The following EVC2 variants were observed in gnomAD, a reference collection of about 807,000 sequenced individuals.
EVC2 encodes the protein EvC ciliary complex subunit 2.
EVC2 carries 148 observed loss-of-function variants against 149.3 expected under a neutral mutation model. The ratio of observed to expected loss-of-function variants is 0.99; its 90% confidence interval spans 0.87 to 1.14. The LOEUF (loss-of-function observed/expected upper bound fraction) is 1.14. Ranked by LOEUF, EVC2 falls within the 50% of genes most tolerant of loss-of-function variation. The probability of loss-of-function intolerance (pLI) is 0.00; values close to 1 mark genes in which losing one functional copy is unlikely to be tolerated. For synonymous variants in EVC2, 776 were observed against 649.9 expected (o/e 1.19, Z -2.95); for missense variants, 1,854 against 1,627.3 (o/e 1.14, Z -2.40).
intron 21 of EVC2, among the ~76,000 whole-genome samples, chr4:5,554,354 G>T (rs1240029131): frequency 1.3e-5 from 2 of 152,164 alleles, no homozygotes; most frequent in African/African-American, 4.8e-5. Context: ...ATTGCTGAGG[G>T]CTGAAAGTAG....
At chr4:5,639,331 T>C (rs1427897536) in intron 10 of EVC2, among the ~76,000 whole-genome samples, 2 of 152,170 alleles carry the variant, frequency 1.3e-5, no homozygotes, top group African/African-American at 2.4e-5. Context: ...TTCTTTCACA[T>C]AGGAAAACAG....
intron 1 of EVC2, among the ~76,000 whole-genome samples, chr4:5,697,977 T>C (rs930642985): frequency 6.6e-6 from 1 of 151,946 alleles, no homozygotes; most frequent in Non-Finnish European, 1.5e-5. Flanking sequence ...GGTCTCCATC[T>C]CCTGACCTCG....
chr4:5,640,645 ACTC>A lies in EVC2; in HGVS notation c.1336_1338del (p.Glu446del). ...GTCAATGCCACCATCTTCCGATCGT[ACTC>A]CTCTTGTATTTCATTTTCCAGCAAT... On this transcript the variant is annotated inframe_deletion, in exon 10 of 22. Transcript: ENST00000344408. This position sits in a 1 kb window ranked among gnomAD's most constrained non-coding sequence, Gnocchi z 4.6. The A allele has an allele frequency of 6.2e-7, 1 of 1,613,566 alleles. No individual in the cohort carries two copies. Among genetic ancestry groups the A allele is most frequent in the Non-Finnish European group, 8.5e-7 (1 of 1,179,920 alleles).
chr4:5,629,234 G>C (rs1383385404), intron 11 of EVC2, among the ~76,000 whole-genome samples: 6 of 152,230 alleles, frequency 3.9e-5, no homozygotes, highest in Non-Finnish European at 7.3e-5. Flanking sequence ...CCAAACACAG[G>C]AGAGTAATAA....
chr4:5,617,108 A>C (rs1715315928), intron 15 of EVC2, among the ~76,000 whole-genome samples: 1 of 152,204 alleles, frequency 6.6e-6, no homozygotes, highest in Admixed American at 6.5e-5. Flanking sequence ...ACTTAAAAAA[A>C]AAATTAAAAG....
chr4:5,667,912 G>C (rs1424258870), intron 7 of EVC2, among the ~76,000 whole-genome samples: 1 of 152,224 alleles, frequency 6.6e-6, no homozygotes, highest in Non-Finnish European at 1.5e-5. Flanking sequence ...ACTCTTAGCA[G>C]TTTTAAGAAG....
At chr4:5,699,933 G>C (rs1467470588) in intron 1 of EVC2, among the ~76,000 whole-genome samples, 5 of 152,178 alleles carry the variant, frequency 3.3e-5, no homozygotes, top group African/African-American at 1.2e-4. Flanking sequence ...TTGAGGTCAG[G>C]AGTTCGAGAC....
At chr4:5,668,046 T>A (rs942297853) in intron 7 of EVC2, among the ~76,000 whole-genome samples, 1 of 152,172 alleles carries the variant, frequency 6.6e-6, no homozygotes, top group African/African-American at 2.4e-5. Context: ...GGAAAGCATA[T>A]TATACCCCAA....
At chr4:5,668,921 T>G (rs957815175) in intron 7 of EVC2, among the ~76,000 whole-genome samples, 2 of 152,184 alleles carry the variant, frequency 1.3e-5, no homozygotes, top group Non-Finnish European at 2.9e-5. Context: ...TGTAGACAAG[T>G]TAAGATGAGG....
At position 5,622,819 on chromosome 4, in the gene EVC2, G is replaced by A. The variant is rs775019250; in HGVS notation, c.2219C>T (p.Thr740Ile). 2.5e-5 allele frequency: 41 copies of A among 1,613,962 alleles called. No homozygotes were observed. Among genetic ancestry groups the A allele is most frequent in the Non-Finnish European group, 3.3e-5 (39 of 1,180,044 alleles). The part of the protein sequence containing the change: ...QAALDDLRTL[T>I]LSLFEKATDE... ...GGTGGCCTTTTCAAACAGCGAAAGG[G>A]TCAGGGTCCTGAGATCGTCCAGGGC... Residue 740 changes from threonine to isoleucine, a missense_variant, in exon 14 of 22, where the codon ACC (threonine) becomes ATC (isoleucine). Transcript: ENST00000344408. The surrounding 1 kb of genome is among the most constrained non-coding windows in gnomAD (Gnocchi z 5.8).
intron 10 of EVC2, among the ~76,000 whole-genome samples, chr4:5,634,944 C>T (rs1003854882): frequency 1.3e-5 from 2 of 151,284 alleles, no homozygotes; most frequent in African/African-American, 4.9e-5. Context: ...ACGGACTCAA[C>T]ACAGCTCAGT....
At chr4:5,612,462 G>A (rs1056060996) in intron 16 of EVC2, among the ~76,000 whole-genome samples, 1 of 152,222 alleles carries the variant, frequency 6.6e-6, no homozygotes, top group Non-Finnish European at 1.5e-5. Context: ...GCTGGTTCAG[G>A]ATCCGTAAGG....
At chr4:5,596,573 T>C (rs1429091055) in intron 16 of EVC2, among the ~76,000 whole-genome samples, 2 of 150,072 alleles carry the variant, frequency 1.3e-5, no homozygotes, top group African/African-American at 2.5e-5. Context: ...CAAAGCAGTG[T>C]GTAGAGGGAA....
intron 7 of EVC2, among the ~76,000 whole-genome samples, chr4:5,666,922 A>G (rs1719319712): frequency 6.6e-6 from 1 of 152,186 alleles, no homozygotes; most frequent in South Asian, 2.1e-4. Flanking sequence ...GGCTGGCTAC[A>G]TAATTCATGG....
At chr4:5,583,212 C>G (rs1019091652) in intron 17 of EVC2, among the ~76,000 whole-genome samples, 25 of 152,178 alleles carry the variant, frequency 1.6e-4, no homozygotes, top group Non-Finnish European at 3.5e-4. Context: ...ATAAACCCAA[C>G]CTGTCCATAA....
downstream of EVC2, among the ~76,000 whole-genome samples, chr4:5,542,235 T>G (rs1721526787): frequency 6.6e-6 from 1 of 152,170 alleles, no homozygotes; most frequent in African/African-American, 2.4e-5. Context: ...GAGGATCACT[T>G]GAGCCCAAGA....
intron 9 of EVC2, among the ~76,000 whole-genome samples, chr4:5,662,666 TTAAATA>T (rs1163941062): frequency 2.7e-5 from 4 of 146,418 alleles, no homozygotes; most frequent in African/African-American, 9.9e-5. Flanking sequence ...TATATTGATA[TTAAATA>T]TAAATATAAT....
intron 16 of EVC2, among the ~76,000 whole-genome samples, chr4:5,590,323 A>T (rs113513656): frequency 0.017 from 2,605 of 152,286 alleles, 62 homozygotes; most frequent in African/African-American, 0.058. Flanking sequence ...GTAAGAGGTG[A>T]TCAATAAAAA....
In EVC2 at chr4:5,640,295, G is replaced by A. The variant is rs115466981; in HGVS notation, c.1470+219C>T. Among the ~76,000 whole-genome samples, 1 of 151,904 alleles carries A rather than the reference G, an allele frequency of 6.6e-6. No individual in the cohort carries two copies. Among genetic ancestry groups the A allele is most frequent in the East Asian group, 1.9e-4 (1 of 5,182 alleles). On this transcript the variant is annotated intron_variant, in intron 10 of 21. Coordinates refer to ENST00000344408, the MANE Select transcript of EVC2 (RefSeq NM_147127.5). This position sits in a 1 kb window ranked among gnomAD's most constrained non-coding sequence, Gnocchi z 4.6. Reference sequence around the variant, plus strand: ...GATGAGTGGGTGGATGGATGAGTGGGTGAATGGGTAGATGGGTGGATGGAC... The same window carrying A: ...GATGAGTGGGTGGATGGATGAGTGGATGAATGGGTAGATGGGTGGATGGAC...
Sources: gnomAD v4.1 joint callset for allele counts (sites outside exome capture counted in the v4.1 genomes callset) on GRCh38, gnomAD v4.1.1 for gene constraint, Gnocchi (gnomAD v3.1) non-coding constraint, MANE v1.5 for transcripts, NCBI Gene and HGNC (gene_info 2026-07-23, HGNC 2026-07-21) for gene names.